ATG2B: variants seen among roughly 807,000 people sequenced by gnomAD.
ATG2B encodes the protein autophagy related 2B.
ATG2B carries 121 observed loss-of-function variants against 241.3 expected under a neutral mutation model. That is an observed-to-expected ratio of 0.50 (90% confidence interval 0.43 to 0.58). ATG2B has a LOEUF of 0.58. Among genes scored for constraint, ATG2B ranks in the 20% least tolerant of loss-of-function variants. The pLI is 0.00. For synonymous variants in ATG2B, 858 were observed against 876.6 expected, an observed-to-expected ratio of 0.98 and a Z score of 0.37; for missense variants, 2,306 against 2,491.6, an observed-to-expected ratio of 0.93 and a Z score of 1.59.
Position 96,308,251 on chromosome 14 carries a change from TAC to T in ATG2B, c.4303+1200_4303+1201del, listed in dbSNP as rs1203560379. Among the ~76,000 whole-genome samples, 105 of 20,950 alleles carry T rather than the reference TAC, an allele frequency of 5.0e-3. 4 individuals carry two copies. The highest frequency in any genetic ancestry group is 0.011 in the African/African-American group (84 of 7,322). The allele number at this position is 20,950 out of a possible 152,430, so 13.7% of individuals were successfully genotyped here. A position where few individuals can be genotyped will look rare whatever the true frequency, so the allele number is the denominator to read the frequency against. ...ATATACATATATATATATATATATA[TAC>T]ACACATATATATATATATATATATA... On this transcript the variant is annotated intron_variant, in intron 29 of 41. Coordinates refer to ENST00000359933, the MANE Select transcript of ATG2B (RefSeq NM_018036.7).
chr14:96,291,472 T>C, intron 38 of ATG2B, 128 bp downstream of exon 38: 1 of 574,400 alleles, frequency 1.7e-6, no homozygotes, highest in Non-Finnish European at 3.0e-6. Flanking sequence ...AAGAGTCCTC[T>C]AAAAATGAGC....
intron 36 of ATG2B, among the ~76,000 whole-genome samples, chr14:96,294,577 A>AG (rs1352926892): frequency 6.6e-6 from 1 of 152,216 alleles, no homozygotes; most frequent in African/African-American, 2.4e-5. Context: ...AATCCCCACA[A>AG]GGGAAAAGAC....
Position 96,322,608 on chromosome 14 carries a change from C to T in ATG2B, c.2668G>A (p.Val890Ile). 6.2e-6 allele frequency: 10 copies of T among 1,613,680 alleles called. No homozygotes were observed. Among genetic ancestry groups the T allele is most frequent in the Non-Finnish European group, 8.5e-6 (10 of 1,179,876 alleles). ...EEGGAHSLKDVCDLRRPAPSP... is the reference protein window; with the variant it reads ...EEGGAHSLKDICDLRRPAPSP... ...GGGGCTGGTCTTCTTAGATCACAAA[C>T]ATCTTTCAAGGAATGAGCACCTCCT... The change falls in exon 17 of 42, where the codon GTT becomes ATT. Residue 890 changes from valine to isoleucine, a missense_variant. Val to Ile is a conservative substitution (Grantham distance 29, BLOSUM62 3). Transcript: ENST00000359933.
intron 34 of ATG2B, among the ~76,000 whole-genome samples, chr14:96,296,346 G>A (rs1002345472): frequency 1.3e-5 from 2 of 151,974 alleles, no homozygotes; most frequent in Admixed American, 6.6e-5. Flanking sequence ...CACTTTGTAC[G>A]TACATGCCAT....
chr14:96,362,705 C>T, intron 1 of ATG2B, 110 bp downstream of exon 1: 1 of 1,146,936 alleles, frequency 8.7e-7, no homozygotes, highest in Admixed American at 2.3e-5. Flanking sequence ...CACTCGGGTC[C>T]AAACAATTCC....
At position 96,324,648 on chromosome 14, in the gene ATG2B, G is replaced by A. The variant is rs144394477; in HGVS notation, c.2438-650C>T. On this transcript the variant is annotated intron_variant, in intron 15 of 41. Coordinates refer to ENST00000359933, the MANE Select transcript of ATG2B (RefSeq NM_018036.7). The stretch of plus-strand genomic sequence containing the variant: ...ACTGCACTCCAGCCTGGGCAACAAA[G>A]CAAGACTCTGTCTGAAAAACAAAAA... Among the ~76,000 whole-genome samples, 1,134 of 152,276 alleles carry A rather than the reference G, an allele frequency of 7.4e-3. 14 individuals are homozygous for A. Among genetic ancestry groups the A allele is most frequent in the African/African-American group, 0.026 (1,073 of 41,564 alleles).
In ATG2B at chr14:96,328,750, G is replaced by A; in HGVS notation, c.1898C>T (p.Ser633Phe). The A allele has an allele frequency of 6.2e-7, 1 of 1,610,036 alleles. No individual in the cohort carries two copies. Among genetic ancestry groups the A allele is most frequent in the Non-Finnish European group, 8.5e-7 (1 of 1,178,016 alleles). The change falls in exon 13 of 42, where the codon TCC becomes TTC. Residue 633 changes from serine to phenylalanine, a missense_variant. Physicochemically the swap from Ser to Phe is radical, Grantham distance 155. Coordinates refer to ENST00000359933, the MANE Select transcript of ATG2B (RefSeq NM_018036.7). ...GGAATGGGAACCAGTTTCTTCTTTG[G>A]AATGGAACGTTAAAAGCTTAAAAGT... ...PHYTELLTFH[S>F]KEETGSHSPV...
chr14:96,340,139 ATATATATGAATATATATATC>A (rs1887986496), intron 6 of ATG2B, among the ~76,000 whole-genome samples: 1 of 75,122 alleles, frequency 1.3e-5, no homozygotes, highest in Non-Finnish European at 3.9e-5. Context: ...ATCATATATG[ATATATATGAATATATATATC>A]ATATATGATA....
In ATG2B at chr14:96,308,268, ATATATATATATATATTTT is replaced by A. The variant is rs1887044566; in HGVS notation, c.4303+1167_4303+1184del. On this transcript the variant is annotated intron_variant, in intron 29 of 41. Transcript: ENST00000359933. ...TATATATATACACACATATATATAT[ATATATATATATATATTTT>A]TTTTTTTTTTTTTTTTGAGACAGAA... Among the ~76,000 whole-genome samples the A allele has an allele frequency of 2.6e-3, 40 of 15,340 alleles. 2 individuals carry two copies. Among genetic ancestry groups the A allele is most frequent in the African/African-American group, 3.4e-3 (15 of 4,378 alleles). 10.1% of individuals were successfully genotyped at this position (15,340 alleles called of 152,430 possible).
intron 1 of ATG2B, among the ~76,000 whole-genome samples, chr14:96,360,850 T>C (rs893400732): frequency 1.4e-5 from 2 of 143,926 alleles, no homozygotes; most frequent in Non-Finnish European, 3.0e-5. Flanking sequence ...TCTGAGCACT[T>C]GGGAGGCAGA....
chr14:96,332,195 T>C (rs1323381393), intron 10 of ATG2B, 110 bp downstream of exon 10: 2 of 814,608 alleles, frequency 2.5e-6, no homozygotes, highest in African/African-American at 3.5e-5. Context: ...TTTCTGAACT[T>C]TGTAAATGGC....
chr14:96,297,305 A>G (rs531339723), intron 34 of ATG2B, among the ~76,000 whole-genome samples: 18 of 151,062 alleles, frequency 1.2e-4, no homozygotes, highest in East Asian at 1.9e-4. Flanking sequence ...AAAAAAAAAA[A>G]GGGAGACTAA....
At chr14:96,316,994 TA>T (rs1595308165) in intron 20 of ATG2B, 150 bp downstream of exon 20, 2 of 756,668 alleles carry the variant, frequency 2.6e-6, no homozygotes, top group Non-Finnish European at 4.2e-6. Flanking sequence ...CCAAAGTTGC[TA>T]TCATCATGGT....
chr14:96,316,682 T>G lies in ATG2B; in HGVS notation c.3212A>C (p.Gln1071Pro). ...GTTTTCCAACAGATCTCCATTATCT[T>G]GCTAGTAAAAAGATCAGAAAAACAC... ...GLIAVFTDVK[Q>P]DNGDLLENKH... The change falls in exon 21 of 42, where the codon CAA becomes CCA. Residue 1071 changes from glutamine (Q) to proline (P), a missense_variant and splice_region_variant. Around this residue, in one of 2 missense-constraint regions of ATG2B, gnomAD observed 1,927 missense variants for 2,011.2 expected, o/e 0.96. Transcript: ENST00000359933. The G allele has an allele frequency of 6.2e-7, 1 of 1,602,838 alleles. No individual in the cohort carries two copies. The highest frequency in any genetic ancestry group is 8.5e-7 in the Non-Finnish European group (1 of 1,176,312).
In ATG2B at chr14:96,312,141, A is replaced by G; in HGVS notation, c.3861T>C (p.Ala1287=). The change falls in exon 26 of 42, where the codon GCT becomes GCC. Residue 1287 remains alanine, a synonymous_variant. Coordinates refer to ENST00000359933, the MANE Select transcript of ATG2B (RefSeq NM_018036.7). ...TGCATTTGTCAGATAGATGTAAAGCAGCTTCATCCAAGATTATTCTGAGGC... is the reference window on the plus strand; with the variant it reads ...TGCATTTGTCAGATAGATGTAAAGCGGCTTCATCCAAGATTATTCTGAGGC... The part of the protein sequence containing the change: ...SSTLRIILDE[A]ALHLSDKCNT... 1 of 1,600,470 alleles carries G rather than the reference A, an allele frequency of 6.2e-7. No individual in the cohort carries two copies. The highest frequency in any genetic ancestry group is 8.5e-7 in the Non-Finnish European group (1 of 1,176,326).
Position 96,329,560 on chromosome 14 carries a change from A to G in ATG2B, c.1805T>C (p.Met602Thr), listed in dbSNP as rs777289628. 6.2e-6 allele frequency: 10 copies of G among 1,610,424 alleles called. No individual in the cohort carries two copies. Among genetic ancestry groups the G allele is most frequent in the Non-Finnish European group, 7.6e-6 (9 of 1,176,786 alleles). Residue 602 changes from methionine (M) to threonine (T), a missense_variant, in exon 12 of 42, where the codon ATG becomes ACG. Physicochemically the swap from Met to Thr is moderately conservative, Grantham distance 81. Around this residue, in one of 2 missense-constraint regions of ATG2B, gnomAD observed 1,927 missense variants for 2,011.2 expected, o/e 0.96. Transcript: ENST00000359933. ...CAAAAATTCCATTTGCCCAATGGAC[A>G]TATCAGTACTAAAATATCGGGAAGC... ...RSASRYFSTDMSIGQMEFLEC... is the reference protein window; with the variant it reads ...RSASRYFSTDTSIGQMEFLEC...
At chr14:96,338,311 T>C (rs1887919612) in intron 6 of ATG2B, among the ~76,000 whole-genome samples, 1 of 152,152 alleles carries the variant, frequency 6.6e-6, no homozygotes, top group Non-Finnish European at 1.5e-5. Context: ...GGCTAGGACT[T>C]CCAGTACTAT....
In ATG2B at chr14:96,290,738, A is replaced by G. The variant is rs1191672941; in HGVS notation, c.5701+76T>C. On this transcript the variant is annotated intron_variant, in intron 39 of 41. Coordinates refer to ENST00000359933, the MANE Select transcript of ATG2B (RefSeq NM_018036.7). This position sits in a 1 kb window ranked among gnomAD's most constrained non-coding sequence, Gnocchi z 4.4. ...AGTTTTCTAGACTAATGGTCCTCAC[A>G]TAAGTTCTCAAAGGGATAAGAATTA... 5.8e-6 allele frequency: 9 copies of G among 1,561,232 alleles called. No individual in the cohort carries two copies. Among genetic ancestry groups the G allele is most frequent in the African/African-American group, 1.4e-5 (1 of 72,750 alleles).
In ATG2B at chr14:96,315,384, CT is replaced by C; in HGVS notation, c.3560del (p.Lys1187ArgfsTer7). The C allele has an allele frequency of 6.2e-7, 1 of 1,613,508 alleles. No homozygotes were observed. Among genetic ancestry groups the C allele is most frequent in the Admixed American group, 1.7e-5 (1 of 60,012 alleles). ...ILSDKSESNT[K>X]EFLIAVGLKG... ...TGGCATAAAAGTACAAAACACAAAC[CT>C]TTGTATTGGACTCTGATTTATCAGA... On this transcript the variant is annotated frameshift_variant and splice_region_variant, in exon 22 of 42. Transcript: ENST00000359933. LOFTEE classifies it high-confidence loss of function.
Sources: allele counts gnomAD v4.1 joint callset (sites outside exome capture counted in the v4.1 genomes callset), GRCh38; gene constraint gnomAD v4.1.1; regional missense constraint gnomAD v4.1.1; non-coding constraint Gnocchi (gnomAD v3.1); transcripts MANE v1.5; gene names NCBI Gene and HGNC (gene_info 2026-07-23, HGNC 2026-07-21).